The following MSRA variants were observed in gnomAD, a reference collection of about 807,000 sequenced individuals.
MSRA encodes mitochondrial peptide methionine sulfoxide reductase.
Under a neutral mutation model 31.3 loss-of-function variants are expected in MSRA, and 54 were observed. The observed-to-expected ratio is 1.73, with a 90% CI of 1.39 to 2.17. MSRA has a LOEUF of 2.17. Ranked by LOEUF, MSRA falls within the 30% of genes most tolerant of loss-of-function variation. The pLI is 0.00. For synonymous variants in MSRA, 169 were observed against 116.5 expected (o/e 1.45, Z -2.90); for missense variants, 507 against 300.9 (o/e 1.69, Z -5.07).
At chr8:10,229,615 G>T (rs767227167) in intron 2 of MSRA, among the ~76,000 whole-genome samples, 2 of 152,096 alleles carry the variant, frequency 1.3e-5, no homozygotes, top group African/African-American at 4.8e-5. Flanking sequence ...TAAGAGAACA[G>T]AGTGGACACG....
At chr8:10,097,361 TA>T (rs1799228757) in intron 1 of MSRA, among the ~76,000 whole-genome samples, 1 of 152,166 alleles carries the variant, frequency 6.6e-6, no homozygotes, top group Non-Finnish European at 1.5e-5. Context: ...CTGATACTCC[TA>T]AAATGGACGC....
chr8:10,396,962 T>C (rs1463268177), intron 5 of MSRA, among the ~76,000 whole-genome samples: 1 of 152,200 alleles, frequency 6.6e-6, no homozygotes, highest in Non-Finnish European at 1.5e-5. Flanking sequence ...CCGTGAACAT[T>C]CAGAGTGTCG....
chr8:10,227,197 G>A (rs1055274751), intron 2 of MSRA, among the ~76,000 whole-genome samples: 8 of 152,130 alleles, frequency 5.3e-5, no homozygotes, highest in African/African-American at 1.7e-4. Context: ...TGGTGACGAC[G>A]AGGCCCGTGG....
chr8:10,230,899 C>G (rs772149818), intron 2 of MSRA, among the ~76,000 whole-genome samples: 1 of 152,180 alleles, frequency 6.6e-6, no homozygotes, highest in South Asian at 2.1e-4. Flanking sequence ...TTTCTCCTGC[C>G]TCAGCCTCCC....
intron 5 of MSRA, among the ~76,000 whole-genome samples, chr8:10,410,454 C>G (rs1224182304): frequency 1.3e-5 from 2 of 152,174 alleles, no homozygotes; most frequent in African/African-American, 4.8e-5. Context: ...CGTCACATCG[C>G]AAAAATAACC....
intron 1 of MSRA, among the ~76,000 whole-genome samples, chr8:10,130,188 C>T (rs901428815): frequency 6.6e-6 from 1 of 152,220 alleles, no homozygotes; most frequent in Non-Finnish European, 1.5e-5. Flanking sequence ...TTTTCTGCCC[C>T]AAATGCCAGT....
At chr8:10,387,816 T>C (rs1806487580) in intron 5 of MSRA, among the ~76,000 whole-genome samples, 2 of 152,214 alleles carry the variant, frequency 1.3e-5, no homozygotes, top group South Asian at 4.1e-4. Flanking sequence ...CAATTGCTTT[T>C]TTCGGGGGAA....
chr8:10,401,627 T>C (rs1272023592), intron 5 of MSRA, among the ~76,000 whole-genome samples: 2 of 152,108 alleles, frequency 1.3e-5, no homozygotes, highest in African/African-American at 4.8e-5. Context: ...AGCAGTATTA[T>C]TTACAATAGC....
chr8:10,402,437 C>G (rs1807524220), intron 5 of MSRA, among the ~76,000 whole-genome samples: 1 of 152,236 alleles, frequency 6.6e-6, no homozygotes, highest in South Asian at 2.1e-4. Context: ...CCACTTGCAG[C>G]TCCCACTCAC....
intron 2 of MSRA, among the ~76,000 whole-genome samples, chr8:10,218,812 A>T (rs1176988254): frequency 6.6e-6 from 1 of 152,234 alleles, no homozygotes; most frequent in Non-Finnish European, 1.5e-5. Context: ...TTGGGCGTTT[A>T]ACCAGATTAT....
chr8:10,312,298 A>G (rs940536886), intron 4 of MSRA, among the ~76,000 whole-genome samples: 1 of 152,250 alleles, frequency 6.6e-6, no homozygotes. Context: ...AGAAGACACA[A>G]ATATACAACA....
At chr8:10,283,450 A>G (rs1799742739) in intron 3 of MSRA, among the ~76,000 whole-genome samples, 1 of 151,710 alleles carries the variant, frequency 6.6e-6, no homozygotes, top group South Asian at 2.1e-4. Flanking sequence ...AAAAATTTTT[A>G]TTTCCTTAAG....
intron 3 of MSRA, among the ~76,000 whole-genome samples, chr8:10,287,822 T>G (rs551856895): frequency 6.6e-6 from 1 of 152,270 alleles, no homozygotes; most frequent in Non-Finnish European, 1.5e-5. Context: ...AGTCACCCTT[T>G]CCTCTGTAAA....
At chr8:10,309,278 T>C (rs1010325401) in intron 4 of MSRA, among the ~76,000 whole-genome samples, 2 of 152,252 alleles carry the variant, frequency 1.3e-5, no homozygotes, top group Admixed American at 6.5e-5. Flanking sequence ...GCATCTGTAA[T>C]AGTTTGTGCC....
chr8:10,226,824 C>T (rs1029639298), intron 2 of MSRA, among the ~76,000 whole-genome samples: 2 of 152,202 alleles, frequency 1.3e-5, no homozygotes, highest in African/African-American at 4.8e-5. Context: ...AGCTCATTCT[C>T]AGCCTGCCTG....
chr8:10,422,890 A>C (rs1371657986), intron 5 of MSRA, among the ~76,000 whole-genome samples: 1 of 152,170 alleles, frequency 6.6e-6, no homozygotes, highest in Non-Finnish European at 1.5e-5. Flanking sequence ...CATGACCTGA[A>C]CTCATTCTCC....
At chr8:10,092,014 C>T (rs891485271) in intron 1 of MSRA, among the ~76,000 whole-genome samples, 2 of 150,740 alleles carry the variant, frequency 1.3e-5, no homozygotes, top group Non-Finnish European at 3.0e-5. Flanking sequence ...TCTCCACGTT[C>T]TTGTCAATAC....
At chr8:10,162,227 A>T (rs1804724130) in intron 1 of MSRA, among the ~76,000 whole-genome samples, 1 of 152,140 alleles carries the variant, frequency 6.6e-6, no homozygotes, top group African/African-American at 2.4e-5. Context: ...TATTTTGGAC[A>T]GGGTACTTGC....
intron 2 of MSRA, among the ~76,000 whole-genome samples, chr8:10,227,795 T>C (rs1811125497): frequency 6.6e-6 from 1 of 152,208 alleles, no homozygotes; most frequent in African/African-American, 2.4e-5. Flanking sequence ...AACCGCTAAT[T>C]GCTATATGGT....
Sources: allele counts gnomAD v4.1 joint callset (sites outside exome capture counted in the v4.1 genomes callset), GRCh38; gene constraint gnomAD v4.1.1; transcripts MANE v1.5; gene names NCBI Gene and HGNC (gene_info 2026-07-23, HGNC 2026-07-21).